Variants in CLVS1 observed in about 807,000 individuals in gnomAD.
CLVS1 encodes the protein clavesin-1.
CLVS1 carries 10 observed loss-of-function variants against 33.1 expected under a neutral mutation model. That is an observed-to-expected ratio of 0.30 (90% CI 0.19 to 0.51). The LOEUF (loss-of-function observed/expected upper bound fraction) is 0.51. Among genes scored for constraint, CLVS1 ranks in the 20% least tolerant of loss-of-function variants. CLVS1 has a pLI of 0.97. For synonymous variants in CLVS1, 163 were observed against 166.1 expected, an observed-to-expected ratio of 0.98 and a Z score of 0.14; for missense variants, 343 against 433.4, an observed-to-expected ratio of 0.79 and a Z score of 1.85.
At chr8:61,254,118 T>C (rs1199151331) in intron 2 of CLVS1, among the ~76,000 whole-genome samples, 2 of 152,202 alleles carry the variant, frequency 1.3e-5, no homozygotes, top group Non-Finnish European at 2.9e-5. Flanking sequence ...TCCTTTCTGT[T>C]TGTTTGTTTT....
upstream of CLVS1, among the ~76,000 whole-genome samples, chr8:61,287,038 T>G (rs573318507): frequency 6.6e-6 from 1 of 152,368 alleles, no homozygotes; most frequent in African/African-American, 2.4e-5. Context: ...TACACATAAA[T>G]CTTTGCATAT....
chr8:61,099,387 C>CT (rs946784440), intron 1 of CLVS1, among the ~76,000 whole-genome samples: 4 of 151,398 alleles, frequency 2.6e-5, no homozygotes, highest in African/African-American at 4.9e-5. Context: ...GGACCTTTGT[C>CT]TTTTTTTTAA....
At chr8:61,319,786 A>G (rs1465179764) in intron 2 of CLVS1, among the ~76,000 whole-genome samples, 1 of 152,194 alleles carries the variant, frequency 6.6e-6, no homozygotes, top group Admixed American at 6.5e-5. Context: ...CAGGATTTCT[A>G]ATATAGAAAA....
At chr8:61,497,476 A>G (rs80092408) in intron 5 of CLVS1, among the ~76,000 whole-genome samples, 4,770 of 147,976 alleles carry the variant, frequency 0.032, 134 homozygotes, top group African/African-American at 0.074. Flanking sequence ...GGCATGCAGT[A>G]CCTTTGTGAC....
the CLVS1 span, among the ~76,000 whole-genome samples, chr8:61,001,985 C>CT: frequency 0.087 from 12,938 of 148,032 alleles, 716 homozygotes; most frequent in African/African-American, 0.16. Flanking sequence ...AATCAACCCA[C>CT]TTTTTTTTTT....
chr8:61,037,109 G>A, the CLVS1 span, among the ~76,000 whole-genome samples: 9 of 152,152 alleles, frequency 5.9e-5, no homozygotes, highest in East Asian at 1.3e-3. Flanking sequence ...CATTTGCGTG[G>A]TAATTAACAC....
intron 2 of CLVS1, among the ~76,000 whole-genome samples, chr8:61,314,656 C>A (rs1255890103): frequency 1.3e-5 from 2 of 152,204 alleles, no homozygotes; most frequent in Non-Finnish European, 2.9e-5. Flanking sequence ...ATACCCTGGG[C>A]TGTGAACCAA....
the CLVS1 span, among the ~76,000 whole-genome samples, chr8:61,038,556 A>G: frequency 6.6e-5 from 10 of 151,884 alleles, no homozygotes; most frequent in African/African-American, 1.9e-4. Flanking sequence ...AAGTCAGGCA[A>G]TTTTATATTG....
the CLVS1 span, among the ~76,000 whole-genome samples, chr8:61,030,176 C>A: frequency 0.044 from 6,691 of 152,228 alleles, 225 homozygotes; most frequent in Non-Finnish European, 0.064. Flanking sequence ...GACCAGAACA[C>A]TCAATAGAAG....
intron 2 of CLVS1, among the ~76,000 whole-genome samples, chr8:61,169,337 C>T (rs1806945516): frequency 6.6e-6 from 1 of 152,172 alleles, no homozygotes. Context: ...CAGGGAGAGG[C>T]TCTTTCTAAA....
chr8:61,119,220 G>T (rs1378123749), intron 1 of CLVS1, among the ~76,000 whole-genome samples: 1 of 152,008 alleles, frequency 6.6e-6, no homozygotes, highest in Admixed American at 6.6e-5. Flanking sequence ...TTTTCCATTT[G>T]CTTGGTAGAT....
intron 2 of CLVS1, among the ~76,000 whole-genome samples, chr8:61,187,921 A>G (rs1345507081): frequency 1.3e-5 from 2 of 151,730 alleles, no homozygotes; most frequent in Admixed American, 6.6e-5. Context: ...TCACGTCTTC[A>G]TAGATATATT....
At chr8:61,148,919 G>A (rs537721620) in intron 2 of CLVS1, among the ~76,000 whole-genome samples, 1 of 152,318 alleles carries the variant, frequency 6.6e-6, no homozygotes, top group African/African-American at 2.4e-5. Context: ...CTGGAAATAT[G>A]TTGTGTGATT....
At chr8:61,090,993 C>CA in intron 1 of CLVS1, 1 of 486,402 alleles carries the variant, frequency 2.1e-6, no homozygotes, top group South Asian at 1.5e-5. Flanking sequence ...CCCATGCCCC[C>CA]CCACCAATAC....
intron 2 of CLVS1, among the ~76,000 whole-genome samples, chr8:61,136,500 G>T (rs1040946022): frequency 6.6e-5 from 10 of 152,292 alleles, no homozygotes; most frequent in African/African-American, 2.2e-4. Context: ...ATATTATGCA[G>T]CCATAAAAAA....
At chr8:61,396,506 T>G (rs1250538514) in intron 3 of CLVS1, among the ~76,000 whole-genome samples, 1 of 152,112 alleles carries the variant, frequency 6.6e-6, no homozygotes, top group Non-Finnish European at 1.5e-5. Context: ...TTTTTAAAAT[T>G]TAATTTACTT....
intron 2 of CLVS1, among the ~76,000 whole-genome samples, chr8:61,223,997 G>A (rs138722195): frequency 3.4e-4 from 52 of 152,088 alleles, no homozygotes; most frequent in African/African-American, 1.0e-3. Flanking sequence ...AAGTTCTCGT[G>A]CTATGTTTTT....
chr8:61,490,011 C>G (rs991593500), intron 5 of CLVS1, among the ~76,000 whole-genome samples: 1 of 152,152 alleles, frequency 6.6e-6, no homozygotes, highest in African/African-American at 2.4e-5. Flanking sequence ...CTCAATTTAA[C>G]GTTTAGAAAT....
intron 2 of CLVS1, among the ~76,000 whole-genome samples, chr8:61,368,206 A>G (rs569281347): frequency 4.1e-4 from 63 of 152,366 alleles, no homozygotes; most frequent in African/African-American, 1.4e-3. Flanking sequence ...GCACACACAC[A>G]GTGATACATA....
Sources: gnomAD v4.1 joint callset for allele counts (sites outside exome capture counted in the v4.1 genomes callset) on GRCh38, gnomAD v4.1.1 for gene constraint, MANE v1.5 for transcripts, NCBI Gene and HGNC (gene_info 2026-07-23, HGNC 2026-07-21) for gene names.